PLEKHG5: variants seen among roughly 807,000 people sequenced by gnomAD.
PLEKHG5 encodes the protein pleckstrin homology and RhoGEF domain containing G5.
In PLEKHG5, 52 loss-of-function variants were observed where a neutral mutation model predicts 103.8. The ratio of observed to expected loss-of-function variants is 0.50; its 90% confidence interval spans 0.40 to 0.63. The LOEUF (loss-of-function observed/expected upper bound fraction) is 0.63. Ranked by LOEUF, PLEKHG5 falls within the 30% of genes least tolerant of loss-of-function variation. The pLI is 0.00. For missense variants in PLEKHG5, 1,205 were observed against 1,347.6 expected (o/e 0.89, Z 1.66); for synonymous variants, 592 against 575.5 (o/e 1.03, Z -0.41).
rs759263875 is a variant in PLEKHG5 at position 6,469,164 on chromosome 1, ATCC to A, written c.2124_2126del (p.Glu708del). On this transcript the variant is annotated inframe_deletion, in exon 19 of 21. Coordinates refer to ENST00000377728, the MANE Select transcript of PLEKHG5 (RefSeq NM_020631.6). ...CCTCCTCCTCTTCCTCCTCCTGCTC[ATCC>A]TCCTCCTCTTCCAGGCTCTGCAGGG... 1 of 1,611,860 alleles carries A rather than the reference ATCC, an allele frequency of 6.2e-7. No homozygotes were observed. The highest frequency in any genetic ancestry group is 8.5e-7 in the Non-Finnish European group (1 of 1,179,282).
chr1:6,497,715 A>G (rs1460568335), upstream of PLEKHG5, among the ~76,000 whole-genome samples: 1 of 152,060 alleles, frequency 6.6e-6, no homozygotes. This position sits in a 1 kb window ranked among gnomAD's most constrained non-coding sequence, Gnocchi z 6.1. Flanking sequence ...CCCCCACCCC[A>G]GCCCGGAATC....
At position 6,490,011 on chromosome 1, in the gene PLEKHG5, T is replaced by G. The variant is rs1205461382; in HGVS notation, c.-88+1626A>C. Reference sequence around the variant, plus strand: ...CCACCCCTAAGTGGGTGCCTGGGTCTGCTCAGACTGCCCGAGGCGCAGCCT... The same window carrying G: ...CCACCCCTAAGTGGGTGCCTGGGTCGGCTCAGACTGCCCGAGGCGCAGCCT... On this transcript the variant is annotated intron_variant, in intron 1 of 20. Transcript: ENST00000377728. This position sits in a 1 kb window ranked among gnomAD's most constrained non-coding sequence, Gnocchi z 8.0. 4.6e-5 allele frequency among the ~76,000 whole-genome samples: 7 copies of G among 152,316 alleles called. No individual in the cohort carries two copies. The East Asian group carries it at 9.7e-4, about 21-fold the overall frequency.
At chr1:6,506,738 C>G (rs751468764) in intron 1 of PLEKHG5, among the ~76,000 whole-genome samples, 17 of 152,256 alleles carry the variant, frequency 1.1e-4, no homozygotes, top group Non-Finnish European at 2.5e-4. Context: ...CTCCACTGAG[C>G]CGAGGCCCCC....
At chr1:6,488,858 G>A (rs1014655887) in intron 1 of PLEKHG5, among the ~76,000 whole-genome samples, 4 of 152,098 alleles carry the variant, frequency 2.6e-5, no homozygotes, top group African/African-American at 7.2e-5. Flanking sequence ...AACCAGATGC[G>A]GAGGCTGATG....
Position 6,469,221 on chromosome 1 carries a change from A to G in PLEKHG5, c.2070T>C (p.Arg690=), listed in dbSNP as rs141100808. 477 of 1,613,294 alleles carry G rather than the reference A, an allele frequency of 3.0e-4. No homozygotes were observed. Among genetic ancestry groups the G allele is most frequent in the Non-Finnish European group, 3.6e-4 (427 of 1,179,986 alleles). ...YNAQNQLQQL[R]AQEPPGSQQP... ...GCTGACTGCCTGGGGGCTCCTGTGC[A>G]CGCAGCTGTTGCAGCTGGTTCTGCA... is the stretch of plus-strand genomic sequence containing the variant. Residue 690 remains arginine (R), a synonymous_variant, in exon 19 of 21, where the codon CGT becomes CGC. Coordinates refer to ENST00000377728, the MANE Select transcript of PLEKHG5 (RefSeq NM_020631.6).
In PLEKHG5 at chr1:6,475,538, G is replaced by A. The variant is rs753045481; in HGVS notation, c.150-16C>T. 2.5e-6 allele frequency: 4 copies of A among 1,611,806 alleles called. No homozygotes were observed. The highest frequency in any genetic ancestry group is 3.4e-6 in the Non-Finnish European group (4 of 1,178,992). Reference sequence around the variant, plus strand: ...CTTCCGGTCCCTGCAGGGAAGCGAGGAGGGCAGAGGCTGGAGGTGTGGGTG... The same window carrying A: ...CTTCCGGTCCCTGCAGGGAAGCGAGAAGGGCAGAGGCTGGAGGTGTGGGTG... On this transcript the variant is annotated splice_polypyrimidine_tract_variant and intron_variant, in intron 3 of 20. Coordinates refer to ENST00000377728, the MANE Select transcript of PLEKHG5 (RefSeq NM_020631.6).
At chr1:6,494,708 C>T (rs1437746757), upstream of PLEKHG5, among the ~76,000 whole-genome samples, 1 of 152,232 alleles carries the variant, frequency 6.6e-6, no homozygotes, top group Non-Finnish European at 1.5e-5. Context: ...TTTTCACATC[C>T]ATTAAAGGCC....
At position 6,476,140 on chromosome 1, in the gene PLEKHG5, T is replaced by C. The variant is rs1644761012; in HGVS notation, c.44-104A>G. 3 of 962,700 alleles carry C rather than the reference T, an allele frequency of 3.1e-6. No homozygotes were observed. The East Asian group carries it at 7.7e-5, about 25-fold the overall frequency. 59.6% of individuals were successfully genotyped at this position (962,700 alleles called of 1,614,324 possible). On this transcript the variant is annotated intron_variant, in intron 2 of 20. Transcript: ENST00000377728. ...AGCCTGTTACCCTGGAACCCCCAGATTAAAGGTAGCAAGGGCCCTTCAGTT... is the reference window on the plus strand; with the variant it reads ...AGCCTGTTACCCTGGAACCCCCAGACTAAAGGTAGCAAGGGCCCTTCAGTT...
intron 16 of PLEKHG5, 137 bp downstream of exon 16, chr1:6,470,099 G>T: frequency 2.0e-6 from 2 of 987,252 alleles, no homozygotes; most frequent in Non-Finnish European, 1.5e-6. Context: ...GGCAGGCAGA[G>T]AACTGTCATT....
upstream of PLEKHG5, among the ~76,000 whole-genome samples, chr1:6,498,287 G>A (rs1645256053): frequency 6.6e-6 from 1 of 152,176 alleles, no homozygotes; most frequent in Admixed American, 6.5e-5. Flanking sequence ...CAAAGGCTAA[G>A]GGTGGACTTC....
upstream of PLEKHG5, among the ~76,000 whole-genome samples, chr1:6,499,957 A>G (rs1297328632): frequency 6.6e-6 from 1 of 152,016 alleles, no homozygotes; most frequent in Non-Finnish European, 1.5e-5. Context: ...ACACCACCAT[A>G]CCTGGCTAAC....
chr1:6,481,524 A>AAAATAAATAAAT (rs199883420), intron 1 of PLEKHG5, among the ~76,000 whole-genome samples: 21 of 144,216 alleles, frequency 1.5e-4, no homozygotes, highest in East Asian at 1.3e-3. Context: ...ACTCCGTCTC[A>AAAATAAATAAAT]AAATAAATAA....
At chr1:6,474,944 CCA>C in intron 5 of PLEKHG5, 101 bp downstream of exon 5, 1 of 829,838 alleles carries the variant, frequency 1.2e-6, no homozygotes, top group Admixed American at 1.7e-5. Flanking sequence ...TCACGGGCCA[CCA>C]CACAGACACA....
At chr1:6,509,721 C>T (rs1000507679) in intron 1 of PLEKHG5, among the ~76,000 whole-genome samples, 1 of 152,228 alleles carries the variant, frequency 6.6e-6, no homozygotes, top group African/African-American at 2.4e-5. Context: ...CAGGGTTAGG[C>T]TTCTGCCTCC....
chr1:6,474,073 G>A lies in PLEKHG5; in HGVS notation c.531C>T (p.Thr177=), dbSNP rs567059799. ...LSLPILRPAG[T]GPPALERVDA... Reference sequence around the variant, plus strand: ...CCACACGCTCCAGGGCGGGGGGCCCGGTCCCAGCTGGCCGCAGAATCGGCA... The same window carrying A: ...CCACACGCTCCAGGGCGGGGGGCCCAGTCCCAGCTGGCCGCAGAATCGGCA... The change falls in exon 7 of 21, where the codon ACC becomes ACT. Residue 177 remains threonine, a synonymous_variant. Transcript: ENST00000377728. 33 of 1,590,958 alleles carry A rather than the reference G, an allele frequency of 2.1e-5. No individual in the cohort carries two copies. Among genetic ancestry groups the A allele is most frequent in the South Asian group, 1.7e-4 (15 of 90,446 alleles).
Position 6,468,130 on chromosome 1 carries a change from C to G in PLEKHG5, c.2706G>C (p.Leu902=). The change falls in exon 20 of 21, where the codon CTG becomes CTC. Residue 902 remains leucine (L), a synonymous_variant. Transcript: ENST00000377728. ...CTGGAACAGCCAGGCAGAGCTCTGACAGGCTGCGGCTGGGGGCAGAGGGTG... is the reference window on the plus strand; with the variant it reads ...CTGGAACAGCCAGGCAGAGCTCTGAGAGGCTGCGGCTGGGGGCAGAGGGTG... The part of the protein sequence containing the change: ...HGTPSAPSRS[L]SELCLAVPAP... The G allele has an allele frequency of 6.4e-7, 1 of 1,573,112 alleles. No individual in the cohort carries two copies. Among genetic ancestry groups the G allele is most frequent in the East Asian group, 2.3e-5 (1 of 44,378 alleles).
rs1056741532 is a variant in PLEKHG5 at position 6,483,036 on chromosome 1, C to T, written c.-87-5378G>A. On this transcript the variant is annotated intron_variant, in intron 1 of 20. Transcript: ENST00000377728. ...GATCCCAGATTTTAACCCACATTCA[C>T]GCCCTCTCATGGGTGTCTTAGGAGC... 5.3e-5 allele frequency among the ~76,000 whole-genome samples: 8 copies of T among 152,342 alleles called. No homozygotes were observed. The East Asian group carries it at 7.7e-4, about 15-fold the overall frequency.
rs1287089038 is a variant in PLEKHG5, at chr1:6,467,947, C to T, written c.2889G>A (p.Gly963=). The T allele has an allele frequency of 1.3e-6, 2 of 1,575,276 alleles. No homozygotes were observed. Among genetic ancestry groups the T allele is most frequent in the Non-Finnish European group, 1.7e-6 (2 of 1,162,018 alleles). The change falls in exon 20 of 21, where the codon GGG becomes GGA. Residue 963 remains glycine, a synonymous_variant. Transcript: ENST00000377728. The part of the protein sequence containing the change: ...HRKRCGDLPS[G]ASPRVQPEPP... ...GCTCAGGCTGGACCCTGGGAGAGGC[C>T]CCCGAGGGCAGGTCTCCACACCTCT...
Position 6,475,917 on chromosome 1 carries a change from C to T in PLEKHG5, c.149+14G>A. 1 of 1,602,678 alleles carries T rather than the reference C, an allele frequency of 6.2e-7. No individual in the cohort carries two copies. The highest frequency in any genetic ancestry group is 8.5e-7 in the Non-Finnish European group (1 of 1,169,636). ...CCCTCCAGGTATCTCTCTGCCCACT[C>T]ATCCCTCACCTACCCTTTGCCATCC... On this transcript the variant is annotated intron_variant, in intron 3 of 20. Coordinates refer to ENST00000377728, the MANE Select transcript of PLEKHG5 (RefSeq NM_020631.6).
Sources: gnomAD v4.1 joint callset for allele counts (sites outside exome capture counted in the v4.1 genomes callset) on GRCh38, gnomAD v4.1.1 for gene constraint, Gnocchi (gnomAD v3.1) non-coding constraint, MANE v1.5 for transcripts, NCBI Gene and HGNC (gene_info 2026-07-23, HGNC 2026-07-21) for gene names.